Variants in SCYL2 observed in about 807,000 individuals in gnomAD.
SCYL2 encodes the protein SCY1 like pseudokinase 2.
SCYL2 carries 36 observed loss-of-function variants against 100.4 expected under a neutral mutation model. The ratio of observed to expected loss-of-function variants is 0.36; its 90% confidence interval spans 0.27 to 0.47. The LOEUF is 0.47. Ranked by LOEUF, SCYL2 falls within the 20% of genes least tolerant of loss-of-function variation. The pLI, the probability that SCYL2 is intolerant of heterozygous loss-of-function variation, is 1.00. For synonymous variants in SCYL2, 330 were observed against 359.2 expected, an observed-to-expected ratio of 0.92 and a Z score of 0.92; for missense variants, 902 against 1,083.9, an observed-to-expected ratio of 0.83 and a Z score of 2.36.
rs770573456 is a variant in SCYL2, at chr12:100,315,637, A to G, written c.1175A>G (p.Asn392Ser). The part of the protein sequence containing the change: ...NPDMVPFVLP[N>S]VLLIAEECTK... ...GACATGGTACCTTTTGTTTTGCCCA[A>G]TGTTCTACTTATTGCTGAGGAATGC... is the stretch of plus-strand genomic sequence containing the variant. Residue 392 changes from asparagine (N) to serine (S), a missense_variant, in exon 9 of 18, where the codon AAT becomes AGT. Coordinates refer to ENST00000360820, the MANE Select transcript of SCYL2 (RefSeq NM_017988.6). The G allele has an allele frequency of 4.3e-6, 7 of 1,612,360 alleles. No individual in the cohort carries two copies. The highest frequency in any genetic ancestry group is 1.7e-5 in the Admixed American group (1 of 59,968).
At chr12:100,322,202 C>T (rs1172086026) in intron 10 of SCYL2, among the ~76,000 whole-genome samples, 1 of 150,690 alleles carries the variant, frequency 6.6e-6, no homozygotes, top group Non-Finnish European at 1.5e-5. Context: ...GAAACCCCGT[C>T]TCTACTAAAA....
intron 10 of SCYL2, among the ~76,000 whole-genome samples, chr12:100,323,221 G>A (rs1373071888): frequency 6.6e-6 from 1 of 151,998 alleles, no homozygotes; most frequent in African/African-American, 2.4e-5. Context: ...AAAGATAAAC[G>A]AGGACTTGTG....
intron 12 of SCYL2, among the ~76,000 whole-genome samples, chr12:100,328,674 C>G (rs1952169375): frequency 6.6e-6 from 1 of 152,004 alleles, no homozygotes; most frequent in African/African-American, 2.4e-5. Context: ...CAAGTGGGGT[C>G]TTGAAGATTG....
Position 100,335,629 on chromosome 12 carries a change from T to C in SCYL2, c.1867T>C (p.Leu623=). 4 of 1,598,444 alleles carry C rather than the reference T, an allele frequency of 2.5e-6. No individual in the cohort carries two copies. The highest frequency in any genetic ancestry group is 3.4e-6 in the Non-Finnish European group (4 of 1,168,816). Residue 623 remains leucine (L), a synonymous_variant, in exon 15 of 18, where the codon TTG becomes CTG. Coordinates refer to ENST00000360820, the MANE Select transcript of SCYL2 (RefSeq NM_017988.6). ...LHIMQEQQKS[L]DIGNQMNVSE... ...CATAATTCAACTCTCCTACAGATCTTTGGATATAGGAAATCAAATGAATGT... is the reference window on the plus strand; with the variant it reads ...CATAATTCAACTCTCCTACAGATCTCTGGATATAGGAAATCAAATGAATGT...
At chr12:100,294,800 C>A (rs1343299501) in intron 3 of SCYL2, among the ~76,000 whole-genome samples, 34 of 140,806 alleles carry the variant, frequency 2.4e-4, no homozygotes, top group Non-Finnish European at 4.2e-4. Context: ...GGGGGGCTGA[C>A]CCCCCCACCT....
At chr12:100,326,006 A>T (rs1457598809) in intron 11 of SCYL2, among the ~76,000 whole-genome samples, 1 of 152,110 alleles carries the variant, frequency 6.6e-6, no homozygotes, top group Non-Finnish European at 1.5e-5. Flanking sequence ...TTTTATTAAT[A>T]CTATAGTCCT....
intron 4 of SCYL2, among the ~76,000 whole-genome samples, chr12:100,304,932 T>G (rs957290252): frequency 6.6e-6 from 1 of 151,866 alleles, no homozygotes; most frequent in Admixed American, 6.6e-5. Context: ...GGTACAGGGA[T>G]CAATGCAACA....
At chr12:100,290,450 T>C (rs886118435) in intron 2 of SCYL2, among the ~76,000 whole-genome samples, 9 of 152,204 alleles carry the variant, frequency 5.9e-5, no homozygotes, top group African/African-American at 2.2e-4. Flanking sequence ...ACAAGTTATG[T>C]TTGAGAAATT....
rs1952316588 is a variant in SCYL2 at position 100,338,904 on chromosome 12, A to G, written c.2522A>G (p.Asn841Ser). 9 of 1,614,036 alleles carry G rather than the reference A, an allele frequency of 5.6e-6. No individual in the cohort carries two copies. Among genetic ancestry groups the G allele is most frequent in the African/African-American group, 4.0e-5 (3 of 74,924 alleles). The stretch of plus-strand genomic sequence containing the variant: ...AGACCCACAGATATGTCTGCCCTTA[A>G]TAATCTCTTTGGCCCTCAGAAACCC... ...QQRPTDMSAL[N>S]NLFGPQKPKV... The change falls in exon 18 of 18, where the codon AAT (asparagine) becomes AGT (serine). Residue 841 changes from asparagine (N) to serine (S), a missense_variant. Transcript: ENST00000360820.
At chr12:100,300,238 T>A (rs2096325947) in intron 4 of SCYL2, among the ~76,000 whole-genome samples, 1 of 152,230 alleles carries the variant, frequency 6.6e-6, no homozygotes, top group Non-Finnish European at 1.5e-5. Flanking sequence ...GTGGACACAG[T>A]ACATAATTTG....
At chr12:100,310,273 G>A (rs1341151804) in intron 4 of SCYL2, among the ~76,000 whole-genome samples, 1 of 152,210 alleles carries the variant, frequency 6.6e-6, no homozygotes, top group Non-Finnish European at 1.5e-5. Context: ...TGGGATTACA[G>A]GCATGAGCCA....
At chr12:100,307,682 G>A (rs568356307) in intron 4 of SCYL2, among the ~76,000 whole-genome samples, 2 of 152,220 alleles carry the variant, frequency 1.3e-5, no homozygotes, top group South Asian at 4.2e-4. Context: ...CACAGCAAAA[G>A]AAACTATCAT....
Position 100,317,884 on chromosome 12 carries a change from A to G in SCYL2, c.1354A>G (p.Met452Val). 6.2e-7 allele frequency: 1 copy of G among 1,605,092 alleles called. No homozygotes were observed. Among genetic ancestry groups the G allele is most frequent in the African/African-American group, 1.3e-5 (1 of 74,662 alleles). ...PDEIKNSVLP[M>V]VYRALEAPSI... Reference sequence around the variant, plus strand: ...TGAGATAAAGAACAGTGTTCTACCCATGGTTTACAGAGCACTAGAAGCTCC... The same window carrying G: ...TGAGATAAAGAACAGTGTTCTACCCGTGGTTTACAGAGCACTAGAAGCTCC... The change falls in exon 10 of 18, where the codon ATG becomes GTG. Residue 452 changes from methionine (M) to valine (V), a missense_variant. Transcript: ENST00000360820.
intron 13 of SCYL2, among the ~76,000 whole-genome samples, chr12:100,330,492 A>G (rs1229493084): frequency 6.6e-6 from 1 of 152,216 alleles, no homozygotes; most frequent in African/African-American, 2.4e-5. Context: ...AAGCAAAAAT[A>G]TTAATTGAAT....
At chr12:100,310,295 C>T (rs2096340651) in intron 4 of SCYL2, among the ~76,000 whole-genome samples, 1 of 152,198 alleles carries the variant, frequency 6.6e-6, no homozygotes. Flanking sequence ...TGTGCACAGC[C>T]TGGATTTTCT....
intron 10 of SCYL2, among the ~76,000 whole-genome samples, chr12:100,320,693 T>C (rs1253652742): frequency 6.6e-6 from 1 of 152,206 alleles, no homozygotes; most frequent in Non-Finnish European, 1.5e-5. Flanking sequence ...AACCTCCTGC[T>C]ATGACTTTGA....
intron 2 of SCYL2, among the ~76,000 whole-genome samples, chr12:100,288,916 G>C (rs949760473): frequency 6.6e-6 from 1 of 150,684 alleles, no homozygotes; most frequent in East Asian, 1.9e-4. Context: ...GAATCTCACT[G>C]TGCTGCCCAG....
intron 3 of SCYL2, among the ~76,000 whole-genome samples, chr12:100,294,802 C>T (rs2096316730): frequency 6.7e-6 from 1 of 149,462 alleles, no homozygotes; most frequent in African/African-American, 2.5e-5. Flanking sequence ...GGGGCTGACC[C>T]CCCCACCTCC....
At chr12:100,329,027 T>C (rs566839830) in intron 12 of SCYL2, among the ~76,000 whole-genome samples, 174 bp from the exon 13 acceptor site, 1 of 152,298 alleles carries the variant, frequency 6.6e-6, no homozygotes, top group South Asian at 2.1e-4. Context: ...GGCCTGATGA[T>C]AAAGGCTGAA....
Sources: gnomAD v4.1 joint callset for allele counts (sites outside exome capture counted in the v4.1 genomes callset) on GRCh38, gnomAD v4.1.1 for gene constraint, MANE v1.5 for transcripts, NCBI Gene and HGNC (gene_info 2026-07-23, HGNC 2026-07-21) for gene names.